Variants in TRAPPC8 observed in about 807,000 individuals in gnomAD.
TRAPPC8 encodes the protein general sporulation gene 1 homolog.
In TRAPPC8, 54 loss-of-function variants were observed where a neutral mutation model predicts 174.3. The ratio of observed to expected loss-of-function variants is 0.31; its 90% confidence interval spans 0.25 to 0.39. The LOEUF (loss-of-function observed/expected upper bound fraction) is 0.39, where lower values mean the gene tolerates loss of function less well. Ranked by LOEUF, TRAPPC8 falls within the 10% of genes least tolerant of loss-of-function variation. The probability of loss-of-function intolerance (pLI) is 1.00; values close to 1 mark genes in which losing one functional copy is unlikely to be tolerated. For missense variants in TRAPPC8, 1,531 were observed against 1,699.1 expected, an observed-to-expected ratio of 0.90 and a Z score of 1.74; for synonymous variants, 630 against 579.9, an observed-to-expected ratio of 1.09 and a Z score of -1.24.
At chr18:31,887,272 A>T (rs1311501726) in intron 12 of TRAPPC8, among the ~76,000 whole-genome samples, 1 of 152,244 alleles carries the variant, frequency 6.6e-6, no homozygotes, top group African/African-American at 2.4e-5. Context: ...ATAGATGCAG[A>T]AAACATTTTT....
chr18:31,840,029 C>T (rs2033002761), intron 26 of TRAPPC8, among the ~76,000 whole-genome samples: 1 of 152,146 alleles, frequency 6.6e-6, no homozygotes, highest in Non-Finnish European at 1.5e-5. Context: ...TTGTCAGGCA[C>T]ATTATGACTA....
intron 1 of TRAPPC8, among the ~76,000 whole-genome samples, chr18:31,936,928 A>T (rs1466713062): frequency 6.8e-6 from 1 of 146,126 alleles, no homozygotes. Context: ...AAAAAAAAAA[A>T]GGAGCCAGGC....
intron 11 of TRAPPC8, among the ~76,000 whole-genome samples, chr18:31,893,272 G>A (rs1381857636): frequency 6.6e-6 from 1 of 152,058 alleles, no homozygotes; most frequent in East Asian, 1.9e-4. Context: ...TTCTTTTGCA[G>A]GGAAGCACAC....
At position 31,908,810 on chromosome 18, in the gene TRAPPC8, T is replaced by A; in HGVS notation, c.1066A>T (p.Thr356Ser). The A allele has an allele frequency of 6.2e-7, 1 of 1,612,982 alleles. No homozygotes were observed. Among genetic ancestry groups the A allele is most frequent in the Non-Finnish European group, 8.5e-7 (1 of 1,179,220 alleles). Reference sequence around the variant, plus strand: ...ATATGTGGCAAAAGGCCCCGAAATGTGAACTCTTGTATAAACTGTCGAATT... The same window carrying A: ...ATATGTGGCAAAAGGCCCCGAAATGAGAACTCTTGTATAAACTGTCGAATT... ...DRIRQFIQEFTFRGLLPHIEK... is the reference protein window; with the variant it reads ...DRIRQFIQEFSFRGLLPHIEK... The change falls in exon 7 of 29, where the codon ACA (threonine) becomes TCA (serine). Residue 356 changes from threonine to serine, a missense_variant. By Grantham distance (58) the Thr-to-Ser change is moderately conservative (BLOSUM62 1). Coordinates refer to ENST00000283351, the MANE Select transcript of TRAPPC8 (RefSeq NM_014939.5).
chr18:31,913,569 CT>C, intron 4 of TRAPPC8, 47 bp from the exon 5 acceptor site: 1 of 1,475,244 alleles, frequency 6.8e-7, no homozygotes. Context: ...AGGAGCAGGC[CT>C]TAGGCAATAA....
At chr18:31,906,949 T>C (rs568129276) in intron 9 of TRAPPC8, among the ~76,000 whole-genome samples, 3 of 152,230 alleles carry the variant, frequency 2.0e-5, no homozygotes, top group East Asian at 1.9e-4. Context: ...TATGAAGTCA[T>C]ACATCAAGCA....
chr18:31,848,099 C>A lies in TRAPPC8; in HGVS notation c.3736-1282G>T, dbSNP rs2033504761. On this transcript the variant is annotated intron_variant, in intron 25 of 28. Coordinates refer to ENST00000283351, the MANE Select transcript of TRAPPC8 (RefSeq NM_014939.5). Reference sequence around the variant, plus strand: ...TATCCAGAACTCTAACTAAAACAAACAAAAATCTACCAGTCACTTTCTCCA... The same window carrying A: ...TATCCAGAACTCTAACTAAAACAAAAAAAAATCTACCAGTCACTTTCTCCA... 1.3e-5 allele frequency among the ~76,000 whole-genome samples: 2 copies of A among 150,348 alleles called. 1 individual carries two copies. Among genetic ancestry groups the A allele is most frequent in the South Asian group, 4.1e-4 (2 of 4,830 alleles).
chr18:31,851,648 C>T (rs1294752754), intron 24 of TRAPPC8, among the ~76,000 whole-genome samples: 2 of 152,164 alleles, frequency 1.3e-5, no homozygotes, highest in East Asian at 3.9e-4. Flanking sequence ...TGAGCCACCA[C>T]ATCTGGCCCT....
intron 19 of TRAPPC8, among the ~76,000 whole-genome samples, chr18:31,860,134 AACTC>A (rs1215948377): frequency 1.3e-5 from 2 of 152,220 alleles, no homozygotes; most frequent in African/African-American, 2.4e-5. Flanking sequence ...CAAGACCAAG[AACTC>A]ACTATCTCAC....
intron 1 of TRAPPC8, among the ~76,000 whole-genome samples, chr18:31,941,564 A>G (rs978638221): frequency 6.6e-6 from 1 of 152,230 alleles, no homozygotes; most frequent in Admixed American, 6.5e-5. Context: ...AAAATCCAAA[A>G]GTTTCCAAAC....
In TRAPPC8 at chr18:31,838,117, GTACCACCATGCCCGGCTCTA is replaced by G; in HGVS notation, c.3983+1175_3983+1194del. ...CCCAAGTAGCTGGAACTACAGGTGT[GTACCACCATGCCCGGCTCTA>G]AGTTACTTTTTAAAATATTTTTTCT... On this transcript the variant is annotated intron_variant, in intron 27 of 28. Coordinates refer to ENST00000283351, the MANE Select transcript of TRAPPC8 (RefSeq NM_014939.5). 2.0e-5 allele frequency among the ~76,000 whole-genome samples: 3 copies of G among 152,176 alleles called. No homozygotes were observed. The South Asian group carries it at 6.2e-4, about 32-fold the overall frequency.
intron 27 of TRAPPC8, among the ~76,000 whole-genome samples, chr18:31,836,263 A>AC (rs1175804417): frequency 6.6e-6 from 1 of 152,224 alleles, no homozygotes; most frequent in Non-Finnish European, 1.5e-5. Flanking sequence ...GAAAACTGCC[A>AC]CATTTTATCC....
rs1286135831 is a variant in TRAPPC8 at position 31,829,412 on chromosome 18, A to G, written c.*1343T>C. 2 of 152,152 alleles carry G rather than the reference A, an allele frequency of 1.3e-5. No individual in the cohort carries two copies. The highest frequency in any genetic ancestry group is 1.5e-5 in the Non-Finnish European group (1 of 68,040). 9.4% of individuals were successfully genotyped at this position (152,152 alleles called of 1,614,324 possible). On this transcript the variant is annotated 3_prime_UTR_variant, in exon 29 of 29. Transcript: ENST00000283351. ...GCCCTAAACTCTCAAGAAGGAAATG[A>G]GTGTCCTTAGAATGTGACCTTCCTC...
chr18:31,943,128 C>G lies in TRAPPC8; in HGVS notation c.-364G>C, dbSNP rs1044999087. ...ACCCTGACCAACCGGCAGTACTACT[C>G]CCAGCTGCCCCCGCGCGCGTCCCTC... On this transcript the variant is annotated 5_prime_UTR_variant, in exon 1 of 29. Coordinates refer to ENST00000283351, the MANE Select transcript of TRAPPC8 (RefSeq NM_014939.5). 6 of 400,124 alleles carry G rather than the reference C, an allele frequency of 1.5e-5. No homozygotes were observed. Among genetic ancestry groups the G allele is most frequent in the Non-Finnish European group, 1.8e-5 (4 of 226,876 alleles). 24.8% of individuals were successfully genotyped at this position (400,124 alleles called of 1,614,324 possible).
chr18:31,900,472 T>C (rs1273258308), intron 10 of TRAPPC8, among the ~76,000 whole-genome samples: 2 of 152,230 alleles, frequency 1.3e-5, no homozygotes, highest in Non-Finnish European at 2.9e-5. Context: ...TTTCAAGGTC[T>C]ATCCATCAAA....
intron 2 of TRAPPC8, among the ~76,000 whole-genome samples, chr18:31,927,190 CT>C (rs1167393674): frequency 1.3e-5 from 2 of 152,132 alleles, no homozygotes; most frequent in Non-Finnish European, 2.9e-5. Context: ...TTTTTGCACC[CT>C]TGACTTCACA....
intron 10 of TRAPPC8, among the ~76,000 whole-genome samples, chr18:31,898,631 A>AGGATATTTCTGCT (rs1221752709): frequency 1.3e-5 from 2 of 152,234 alleles, no homozygotes; most frequent in Non-Finnish European, 2.9e-5. Context: ...TAGTACCATT[A>AGGATATTTCTGCT]GGATATTTCT....
chr18:31,913,462 A>C lies in TRAPPC8; in HGVS notation c.678T>G (p.Leu226=). The change falls in exon 5 of 29, where the codon CTT becomes CTG. Residue 226 remains leucine (L), a synonymous_variant. Transcript: ENST00000283351. ...QKYGTQGCYL[L]KINSRTSNRA... ...GATTAGATGTTCGAGAATTAATTTT[A>C]AGTAAATAGCAACCCTGAGTTCCAT... is the stretch of plus-strand genomic sequence containing the variant. 1 of 1,611,968 alleles carries C rather than the reference A, an allele frequency of 6.2e-7. No homozygotes were observed. Among genetic ancestry groups the C allele is most frequent in the Non-Finnish European group, 8.5e-7 (1 of 1,179,588 alleles).
At chr18:31,892,265 AT>A (rs1200660749) in intron 11 of TRAPPC8, among the ~76,000 whole-genome samples, 1 of 151,978 alleles carries the variant, frequency 6.6e-6, no homozygotes, top group Non-Finnish European at 1.5e-5. Context: ...CCTCCTATAT[AT>A]GTATGTGCAT....
Sources: gnomAD v4.1 joint callset for allele counts (sites outside exome capture counted in the v4.1 genomes callset) on GRCh38, gnomAD v4.1.1 for gene constraint, MANE v1.5 for transcripts, NCBI Gene and HGNC (gene_info 2026-07-23, HGNC 2026-07-21) for gene names.